PI4K2A: variants seen among roughly 807,000 people sequenced by gnomAD.
The protein encoded by PI4K2A is phosphatidylinositol 4-kinase type 2-alpha.
PI4K2A carries 20 observed loss-of-function variants against 55.0 expected under a neutral mutation model. That is an observed-to-expected ratio of 0.36 (90% CI 0.26 to 0.53). PI4K2A has a LOEUF of 0.53. Among genes scored for constraint, PI4K2A ranks in the 20% least tolerant of loss-of-function variants. The pLI is 0.91. For missense variants in PI4K2A, 463 were observed against 637.1 expected (o/e 0.73, Z 2.94); for synonymous variants, 235 against 258.5 (o/e 0.91, Z 0.87).
chr10:97,644,280 G>A (rs2041493538), intron 1 of PI4K2A, among the ~76,000 whole-genome samples: 1 of 152,122 alleles, frequency 6.6e-6, no homozygotes, highest in Non-Finnish European at 1.5e-5. Context: ...GAGCCTGGGA[G>A]GTGGAGGTTG....
In PI4K2A at chr10:97,647,582, C is replaced by T. The variant is rs557863929; in HGVS notation, c.436-3359C>T. On this transcript the variant is annotated intron_variant, in intron 1 of 8. Coordinates refer to ENST00000370631, the Ensembl canonical transcript of PI4K2A. ...CCACCAAATGCCTGCAGAATGCTTG[C>T]ACATCGTTCTCCACAGGCTAGGTCC... Among the ~76,000 whole-genome samples, 51 of 152,304 alleles carry T rather than the reference C, an allele frequency of 3.3e-4. 3 individuals are homozygous for T. In the South Asian group the frequency reaches 0.011, roughly 32 times the overall value.
At chr10:97,664,349 C>A (rs1410756615) in intron 5 of PI4K2A, among the ~76,000 whole-genome samples, 3 of 152,206 alleles carry the variant, frequency 2.0e-5, no homozygotes, top group Non-Finnish European at 4.4e-5. Context: ...TTTTTACATT[C>A]ATCTCTTGTC....
chr10:97,671,085 C>T (rs1184067164), intron 8 of PI4K2A, among the ~76,000 whole-genome samples: 3 of 151,240 alleles, frequency 2.0e-5, no homozygotes, highest in Non-Finnish European at 4.4e-5. Context: ...TGCTGTGAGC[C>T]GAGATTGTGC....
At chr10:97,666,949 T>A in intron 7 of PI4K2A, 112 bp from the exon 8 acceptor site, 1 of 768,750 alleles carries the variant, frequency 1.3e-6, no homozygotes, top group Admixed American at 2.2e-5. Context: ...TTCACAAAGC[T>A]GCAGAAGCCT....
chr10:97,644,771 T>C (rs1424575266), intron 1 of PI4K2A, among the ~76,000 whole-genome samples: 1 of 152,256 alleles, frequency 6.6e-6, no homozygotes, highest in African/African-American at 2.4e-5. Context: ...TTAGCTGTAG[T>C]AGTGGCTGGG....
intron 1 of PI4K2A, among the ~76,000 whole-genome samples, chr10:97,642,884 T>TCTTTCTTTCTTTCTTCCTTC (rs1564772365): frequency 1.1e-4 from 11 of 96,874 alleles, no homozygotes; most frequent in Admixed American, 4.8e-4. Context: ...TTTCTTTCTT[T>TCTTTCTTTCTTTCTTCCTTC]CTTCCTTCCT....
At chr10:97,650,278 C>T (rs867416022) in intron 1 of PI4K2A, among the ~76,000 whole-genome samples, 9 of 108,114 alleles carry the variant, frequency 8.3e-5, no homozygotes, top group Non-Finnish European at 1.2e-4. Flanking sequence ...GCTTCTGTAC[C>T]TTTTTTTTTT....
At chr10:97,652,283 G>A (rs992986393) in intron 2 of PI4K2A, among the ~76,000 whole-genome samples, 3 of 151,896 alleles carry the variant, frequency 2.0e-5, no homozygotes, top group African/African-American at 7.3e-5. Context: ...AAATCCCTCT[G>A]CTTAAAGTTT....
chr10:97,640,794 T>G, exon 1 of PI4K2A: 1 of 1,496,402 alleles, frequency 6.7e-7, no homozygotes, highest in South Asian at 1.3e-5. Flanking sequence ...ACCCCCGGAC[T>G]ACACCTTCCC....
At chr10:97,669,068 G>A (rs928580150) in intron 8 of PI4K2A, among the ~76,000 whole-genome samples, 8 of 152,180 alleles carry the variant, frequency 5.3e-5, no homozygotes, top group Non-Finnish European at 1.2e-4. Context: ...GTTTCACCAT[G>A]TTGGCCAGGG....
Position 97,656,704 on chromosome 10 carries a change from A to G in PI4K2A, c.769-117A>G. 1.1e-6 allele frequency: 1 copy of G among 909,294 alleles called. No individual in the cohort carries two copies. Among genetic ancestry groups the G allele is most frequent in the Non-Finnish European group, 1.7e-6 (1 of 577,418 alleles). The allele number at this position is 909,294 out of a possible 1,614,324, so 56.3% of individuals were successfully genotyped here. A position where few individuals can be genotyped will look rare whatever the true frequency, so the allele number is the denominator to read the frequency against. ...AAATGAGGAAGTAAAGATCTTGAAA[A>G]GTTTTCCTTCTCTGATACAAACTCC... On this transcript the variant is annotated intron_variant, in intron 3 of 8. Coordinates refer to ENST00000370631, the Ensembl canonical transcript of PI4K2A. The surrounding 1 kb of genome is among the most constrained non-coding windows in gnomAD (Gnocchi z 4.5).
chr10:97,663,776 C>T (rs2041597541), intron 5 of PI4K2A, among the ~76,000 whole-genome samples: 1 of 146,630 alleles, frequency 6.8e-6, no homozygotes, highest in African/African-American at 2.5e-5. Flanking sequence ...GCCAAGATCA[C>T]ACCATTGCAT....
At chr10:97,651,210 A>G in intron 2 of PI4K2A, 69 bp downstream of exon 2, 1 of 1,224,426 alleles carries the variant, frequency 8.2e-7, no homozygotes, top group East Asian at 2.3e-5. Flanking sequence ...GCCCTGCTAC[A>G]TGTTAGTGGG....
At position 97,656,947 on chromosome 10, in the gene PI4K2A, G is replaced by A; in HGVS notation, c.895G>A (p.Val299Met). 1.2e-6 allele frequency: 2 copies of A among 1,614,192 alleles called. No individual in the cohort carries two copies. Among genetic ancestry groups the A allele is most frequent in the Non-Finnish European group, 8.5e-7 (1 of 1,180,034 alleles). ...ACTGCTCCAGTTTGAGCGGTTGGTG[G>A]TGCTGGATTACATCATCCGCAACAC... Residue 299 changes from valine to methionine, a missense_variant, in exon 4 of 9, where the codon GTG becomes ATG. Coordinates refer to ENST00000370631, the Ensembl canonical transcript of PI4K2A. This position sits in a 1 kb window ranked among gnomAD's most constrained non-coding sequence, Gnocchi z 4.5.
chr10:97,672,722 G>GTT (rs201709914), intron 8 of PI4K2A, among the ~76,000 whole-genome samples: 1,148 of 94,578 alleles, frequency 0.012, 106 homozygotes, highest in East Asian at 0.069. Context: ...CAGAGGGTCT[G>GTT]TTCTTTTTTT....
chr10:97,649,621 T>A (rs1170869691), intron 1 of PI4K2A, among the ~76,000 whole-genome samples: 3 of 92,794 alleles, frequency 3.2e-5, no homozygotes, highest in African/African-American at 2.9e-4. Flanking sequence ...TTTTTTTTTT[T>A]TTTTTTTTTT....
intron 4 of PI4K2A, among the ~76,000 whole-genome samples, chr10:97,657,893 TG>T (rs772450948): frequency 6.6e-6 from 1 of 152,112 alleles, no homozygotes; most frequent in Non-Finnish European, 1.5e-5. Flanking sequence ...TGGAGTGCAA[TG>T]GTGCGATCTC....
At chr10:97,641,068 A>T (rs2041465637) in exon 1 of PI4K2A, 5 of 1,607,692 alleles carry the variant, frequency 3.1e-6, no homozygotes, top group Non-Finnish European at 4.2e-6. Context: ...GAGGATCCTG[A>T]GTTCGAGGCG....
At chr10:97,669,472 T>C (rs888771502) in intron 8 of PI4K2A, among the ~76,000 whole-genome samples, 6 of 151,630 alleles carry the variant, frequency 4.0e-5, no homozygotes, top group South Asian at 4.2e-4. Context: ...GGTAGGGAGG[T>C]TGGGGTAGTG....
Sources: allele counts gnomAD v4.1 joint callset (sites outside exome capture counted in the v4.1 genomes callset), GRCh38; gene constraint gnomAD v4.1.1; non-coding constraint Gnocchi (gnomAD v3.1); transcripts MANE v1.5; gene names NCBI Gene and HGNC (gene_info 2026-07-23, HGNC 2026-07-21).